Variants in KIF21A observed in about 807,000 individuals in gnomAD.
The protein encoded by KIF21A is kinesin-like protein KIF21A.
KIF21A carries 114 observed loss-of-function variants against 202.9 expected under a neutral mutation model. That is an observed-to-expected ratio of 0.56 (90% CI 0.48 to 0.66). The LOEUF (loss-of-function observed/expected upper bound fraction) is 0.66. Ranked by LOEUF, KIF21A falls within the 30% of genes least tolerant of loss-of-function variation. KIF21A has a pLI of 0.00. For missense variants in KIF21A, 1,677 were observed against 1,994.9 expected (o/e 0.84, Z 3.04); for synonymous variants, 667 against 670.8 (o/e 0.99, Z 0.09).
At chr12:39,407,938 A>G (rs1952739569) in intron 1 of KIF21A, among the ~76,000 whole-genome samples, 1 of 151,484 alleles carries the variant, frequency 6.6e-6, no homozygotes, top group Non-Finnish European at 1.5e-5. Flanking sequence ...TAAAATAAGT[A>G]GCATAAAATC....
chr12:39,342,612 A>G (rs772490245), intron 12 of KIF21A, among the ~76,000 whole-genome samples: 39 of 152,352 alleles, frequency 2.6e-4, no homozygotes, highest in South Asian at 8.3e-4. Context: ...AAGCTTGTCT[A>G]CACTAGCTAT....
intron 16 of KIF21A, 80 bp downstream of exon 16, chr12:39,340,085 C>T: frequency 9.1e-7 from 1 of 1,104,568 alleles, no homozygotes; most frequent in Non-Finnish European, 1.4e-6. Flanking sequence ...TGGAAAGAAC[C>T]ACAAGAGTTG....
intron 1 of KIF21A, among the ~76,000 whole-genome samples, chr12:39,395,182 A>G (rs12424345): frequency 0.34 from 51,090 of 152,084 alleles, 10,755 homozygotes; most frequent in African/African-American, 0.6. Flanking sequence ...ACCTGCTAGA[A>G]CAACCTTTTA....
chr12:39,378,710 C>CA (rs1950417924), intron 1 of KIF21A, among the ~76,000 whole-genome samples: 1 of 152,012 alleles, frequency 6.6e-6, no homozygotes, highest in African/African-American at 2.4e-5. Flanking sequence ...GTGTGTAAGG[C>CA]AAAAAATGTT....
At chr12:39,374,601 T>A (rs1950152107) in intron 1 of KIF21A, among the ~76,000 whole-genome samples, 1 of 152,278 alleles carries the variant, frequency 6.6e-6, no homozygotes, top group Admixed American at 6.5e-5. Context: ...ATCTTATTCA[T>A]TCCTAAAGCA....
chr12:39,341,668 A>C (rs1235872932), intron 13 of KIF21A, 46 bp from the exon 14 acceptor site: 1 of 1,553,692 alleles, frequency 6.4e-7, no homozygotes, highest in East Asian at 2.4e-5. Flanking sequence ...TTGGCAAAAC[A>C]AACTGACTCC....
intron 1 of KIF21A, among the ~76,000 whole-genome samples, chr12:39,398,946 G>T (rs1433999651): frequency 2.0e-5 from 3 of 152,100 alleles, no homozygotes; most frequent in African/African-American, 7.2e-5. Flanking sequence ...TATAATGTCT[G>T]AGAGCGGTGA....
At chr12:39,329,716 C>A (rs1187699542) in intron 24 of KIF21A, among the ~76,000 whole-genome samples, 1 of 152,030 alleles carries the variant, frequency 6.6e-6, no homozygotes, top group Non-Finnish European at 1.5e-5. Flanking sequence ...ACTTGAATAG[C>A]CTGACCAATA....
chr12:39,353,360 T>C (rs1351068523), intron 10 of KIF21A, among the ~76,000 whole-genome samples: 1 of 152,152 alleles, frequency 6.6e-6, no homozygotes, highest in African/African-American at 2.4e-5. Context: ...TTATTATATA[T>C]GTGATACCAT....
intron 1 of KIF21A, among the ~76,000 whole-genome samples, chr12:39,413,824 G>A (rs1403214934): frequency 1.3e-5 from 2 of 151,546 alleles, no homozygotes; most frequent in African/African-American, 2.4e-5. Flanking sequence ...CTCTTTTTTT[G>A]CCATAATAAG....
chr12:39,323,013 T>C (rs1456255063), intron 26 of KIF21A, 131 bp from the exon 27 acceptor site: 3 of 560,452 alleles, frequency 5.4e-6, no homozygotes, highest in Middle Eastern at 1.0e-3. Context: ...GTGCCAAACA[T>C]AGCATGTGAG....
chr12:39,439,346 A>G (rs1358564434), intron 1 of KIF21A, among the ~76,000 whole-genome samples: 4 of 152,204 alleles, frequency 2.6e-5, no homozygotes, highest in African/African-American at 4.8e-5. Context: ...ATTTAACTCA[A>G]TGTAAGCAAA....
intron 1 of KIF21A, among the ~76,000 whole-genome samples, chr12:39,407,726 T>G (rs772101695): frequency 9.2e-5 from 14 of 152,226 alleles, no homozygotes; most frequent in Non-Finnish European, 1.6e-4. Context: ...TTAACAAATA[T>G]TCCCCTACTC....
chr12:39,440,332 C>T (rs950823833), intron 1 of KIF21A, among the ~76,000 whole-genome samples: 3 of 152,202 alleles, frequency 2.0e-5, no homozygotes, highest in Non-Finnish European at 4.4e-5. Flanking sequence ...CTGAGTCAAG[C>T]TATCTGGGTT....
intron 1 of KIF21A, among the ~76,000 whole-genome samples, chr12:39,433,101 TC>T (rs1235527937): frequency 1.3e-5 from 2 of 152,214 alleles, no homozygotes; most frequent in Non-Finnish European, 2.9e-5. Context: ...TCTTATCTTT[TC>T]CTGATAATTT....
chr12:39,389,187 C>CAA (rs907437189), intron 1 of KIF21A, among the ~76,000 whole-genome samples: 1 of 151,332 alleles, frequency 6.6e-6, no homozygotes, highest in African/African-American at 2.4e-5. Flanking sequence ...CATACACACA[C>CAA]ACACACACAC....
At chr12:39,394,527 T>C (rs59967849) in intron 1 of KIF21A, among the ~76,000 whole-genome samples, 20,669 of 152,250 alleles carry the variant, frequency 0.14, 1,535 homozygotes, top group African/African-American at 0.2. Context: ...GTTCCAATCT[T>C]AAGACTGGAA....
chr12:39,297,870 A>AATTATT (rs1284043354), intron 37 of KIF21A, among the ~76,000 whole-genome samples: 1 of 149,322 alleles, frequency 6.7e-6, no homozygotes, highest in Non-Finnish European at 1.5e-5. Flanking sequence ...CAATAATAAT[A>AATTATT]ATTATTATTA....
intron 1 of KIF21A, among the ~76,000 whole-genome samples, chr12:39,383,456 A>G (rs1002792317): frequency 1.3e-5 from 2 of 152,226 alleles, no homozygotes; most frequent in African/African-American, 4.8e-5. Context: ...GACTAACTAT[A>G]AAAATTGTTT....
Sources: allele counts gnomAD v4.1 joint callset (sites outside exome capture counted in the v4.1 genomes callset), GRCh38; gene constraint gnomAD v4.1.1; transcripts MANE v1.5; gene names NCBI Gene and HGNC (gene_info 2026-07-23, HGNC 2026-07-21).